The following SDHAF1 variants were observed in gnomAD, a reference collection of about 807,000 sequenced individuals.
SDHAF1 encodes succinate dehydrogenase assembly factor 1, mitochondrial.
For missense variants in SDHAF1, 198 were observed against 179.0 expected, an observed-to-expected ratio of 1.11 and a Z score of -0.61; for synonymous variants, 81 against 85.8, an observed-to-expected ratio of 0.94 and a Z score of 0.31.
At position 35,995,622 on chromosome 19, in the gene SDHAF1, AC is replaced by A. The variant is rs754248482; in HGVS notation, c.*1del. The A allele has an allele frequency of 1.3e-5, 20 of 1,547,412 alleles. No homozygotes were observed. The East Asian group carries it at 4.4e-4, about 34-fold the overall frequency. On this transcript the variant is annotated 3_prime_UTR_variant, in exon 1 of 1. Transcript: ENST00000378887. ...CGGAGACCCGCCCCGACGGACGGTG[AC>A]AGGCGAAGAGCCGAACTCGCTCGAT...
chr19:35,995,419 C>A lies in SDHAF1; in HGVS notation c.145C>A (p.Arg49Ser). 6.4e-7 allele frequency: 1 copy of A among 1,569,942 alleles called. No individual in the cohort carries two copies. Among genetic ancestry groups the A allele is most frequent in the Non-Finnish European group, 8.6e-7 (1 of 1,165,918 alleles). Residue 49 changes from arginine to serine, a missense_variant, in exon 1 of 1, where the codon CGC becomes AGC. By Grantham distance (110) the Arg-to-Ser change is moderately radical (BLOSUM62 -1). Coordinates refer to ENST00000378887, the MANE Select transcript of SDHAF1 (RefSeq NM_001042631.3). ...GGGCCTGCCGCGGTCCGACGTGCTG[C>A]GCATCGAGTACCTGTACCGCCGCGG... ...HAGLPRSDVL[R>S]IEYLYRRGRR...
chr19:35,995,581 G>T lies in SDHAF1; in HGVS notation c.307G>T (p.Asp103Tyr), dbSNP rs1168763678. ...CGGCGACAGTCCAAGGAACCCCCAC[G>T]ACAGCACGGGGGCACCGGAGACCCG... Reference protein sequence around the residue: ...DDGDSPRNPHDSTGAPETRPD... With the variant: ...DDGDSPRNPHYSTGAPETRPD... Residue 103 changes from aspartate (D) to tyrosine (Y), a missense_variant, in exon 1 of 1, where the codon GAC becomes TAC. Physicochemically the swap from Asp to Tyr is radical, Grantham distance 160 (BLOSUM62 -3). Coordinates refer to ENST00000378887, the MANE Select transcript of SDHAF1 (RefSeq NM_001042631.3). 6.5e-7 allele frequency: 1 copy of T among 1,545,456 alleles called. No homozygotes were observed. Among genetic ancestry groups the T allele is most frequent in the African/African-American group, 1.4e-5 (1 of 73,090 alleles).
In SDHAF1 at chr19:35,995,967, T is replaced by C; in HGVS notation, c.*345T>C. 2.8e-6 allele frequency: 1 copy of C among 358,222 alleles called. No homozygotes were observed. Among genetic ancestry groups the C allele is most frequent in the Non-Finnish European group, 5.4e-6 (1 of 185,998 alleles). 22.2% of individuals were successfully genotyped at this position (358,222 alleles called of 1,614,324 possible). On this transcript the variant is annotated 3_prime_UTR_variant, in exon 1 of 1. Transcript: ENST00000378887. ...CGACCCCCGGTGGACAGGGAGAGCC[T>C]GAGACGCCCTTCTCTTGACCCCTGA...
rs1393049009 is a variant in SDHAF1, at chr19:35,995,312, G to C, written c.38G>C (p.Ser13Thr). 2.6e-6 allele frequency: 4 copies of C among 1,547,012 alleles called. No homozygotes were observed. The East Asian group carries it at 9.5e-5, about 37-fold the overall frequency. Residue 13 changes from serine (S) to threonine (T), a missense_variant, in exon 1 of 1, where the codon AGC (serine) becomes ACC (threonine). Transcript: ENST00000378887. ...AGCCGGCTGCAGAGGCAGGTTCTGAGCCTGTACCGCGATCTGCTGCGCGCC... is the reference window on the plus strand; with the variant it reads ...AGCCGGCTGCAGAGGCAGGTTCTGACCCTGTACCGCGATCTGCTGCGCGCC... The part of the protein sequence containing the change: ...RHSRLQRQVL[S>T]LYRDLLRAGR...
Position 35,995,939 on chromosome 19 carries a change from GGAC to G in SDHAF1, c.*321_*323del, listed in dbSNP as rs1240741892. The stretch of plus-strand genomic sequence containing the variant: ...ACTTGCCCGAAGGTACGGGGAGCCA[GGAC>G]GACCCCCGGTGGACAGGGAGAGCCT... On this transcript the variant is annotated 3_prime_UTR_variant, in exon 1 of 1. Coordinates refer to ENST00000378887, the MANE Select transcript of SDHAF1 (RefSeq NM_001042631.3). 2.4e-6 allele frequency: 1 copy of G among 419,896 alleles called. No individual in the cohort carries two copies. Among genetic ancestry groups the G allele is most frequent in the Admixed American group, 4.4e-5 (1 of 22,542 alleles). The allele number at this position is 419,896 out of a possible 1,614,324, so 26.0% of individuals were successfully genotyped here.
In SDHAF1 at chr19:35,995,550, TGAC is replaced by T. The variant is rs1173525097; in HGVS notation, c.281_283del (p.Asp94del). ...AGCCTGGCGGCGTGGGTTGCCAGCC[TGAC>T]GACGGCGACAGTCCAAGGAACCCCC... On this transcript the variant is annotated inframe_deletion, in exon 1 of 1. Transcript: ENST00000378887. 16 of 1,536,064 alleles carry T rather than the reference TGAC, an allele frequency of 1.0e-5. No homozygotes were observed. In the Admixed American group the frequency reaches 1.8e-4, roughly 17 times the overall value.
chr19:35,995,453 A>C lies in SDHAF1; in HGVS notation c.179A>C (p.Gln60Pro). Residue 60 changes from glutamine (Q) to proline (P), a missense_variant, in exon 1 of 1, where the codon CAG becomes CCG. Gln to Pro is a moderately conservative substitution (Grantham distance 76, BLOSUM62 -1). Coordinates refer to ENST00000378887, the MANE Select transcript of SDHAF1 (RefSeq NM_001042631.3). ...IEYLYRRGRRQLQLLRSGHAT... is the reference protein window; with the variant it reads ...IEYLYRRGRRPLQLLRSGHAT... The stretch of plus-strand genomic sequence containing the variant: ...TACCTGTACCGCCGCGGGCGGCGCC[A>C]GCTGCAGCTGCTACGCTCGGGCCAC... 6.4e-7 allele frequency: 1 copy of C among 1,564,834 alleles called. No individual in the cohort carries two copies. Among genetic ancestry groups the C allele is most frequent in the South Asian group, 1.1e-5 (1 of 87,720 alleles).
In SDHAF1 at chr19:35,995,256, T is replaced by C. The variant is rs1201436259; in HGVS notation, c.-19T>C. The C allele has an allele frequency of 2.6e-6, 4 of 1,517,550 alleles. No individual in the cohort carries two copies. In the East Asian group the frequency reaches 9.9e-5, roughly 37 times the overall value. The allele number at this position is 1,517,550 out of a possible 1,614,324, so 94.0% of individuals were successfully genotyped here. A position where few individuals can be genotyped will look rare whatever the true frequency, so the allele number is the denominator to read the frequency against. On this transcript the variant is annotated 5_prime_UTR_variant, in exon 1 of 1. Coordinates refer to ENST00000378887, the MANE Select transcript of SDHAF1 (RefSeq NM_001042631.3). ...CGGTTCGCAGGTCGTTCGCTGAGCG[T>C]CTCTGCTTAGCCGCGGTCATGAGCC...
Position 35,995,282 on chromosome 19 carries a change from G to A in SDHAF1, c.8G>A (p.Arg3Gln). ...CTCTGCTTAGCCGCGGTCATGAGCC[G>A]GCACAGCCGGCTGCAGAGGCAGGTT... MS[R>Q]HSRLQRQVLS... Residue 3 changes from arginine (R) to glutamine (Q), a missense_variant, in exon 1 of 1, where the codon CGG (arginine) becomes CAG (glutamine). Arg to Gln is a conservative substitution (Grantham distance 43). Coordinates refer to ENST00000378887, the MANE Select transcript of SDHAF1 (RefSeq NM_001042631.3). 3 of 1,537,996 alleles carry A rather than the reference G, an allele frequency of 2.0e-6. No individual in the cohort carries two copies. Among genetic ancestry groups the A allele is most frequent in the African/African-American group, 2.7e-5 (2 of 73,192 alleles).
Position 35,995,944 on chromosome 19 carries a change from A to C in SDHAF1, c.*322A>C, listed in dbSNP as rs2145332918. On this transcript the variant is annotated 3_prime_UTR_variant, in exon 1 of 1. Coordinates refer to ENST00000378887, the MANE Select transcript of SDHAF1 (RefSeq NM_001042631.3). ...CCCGAAGGTACGGGGAGCCAGGACG[A>C]CCCCCGGTGGACAGGGAGAGCCTGA... 5 of 390,534 alleles carry C rather than the reference A, an allele frequency of 1.3e-5. No individual in the cohort carries two copies. The highest frequency in any genetic ancestry group is 7.6e-4 in the Middle Eastern group (1 of 1,320). 24.2% of individuals were successfully genotyped at this position (390,534 alleles called of 1,614,324 possible). A position where few individuals can be genotyped will look rare whatever the true frequency, so the allele number is the denominator to read the frequency against.
chr19:35,995,674 C>T lies in SDHAF1; in HGVS notation c.*52C>T. ...GGCGTGGTGGAGCCAGGAGGCTCGC[C>T]TGACTGCATGGGGGGACTGGGGAAC... On this transcript the variant is annotated 3_prime_UTR_variant, in exon 1 of 1. Coordinates refer to ENST00000378887, the MANE Select transcript of SDHAF1 (RefSeq NM_001042631.3). 1 of 1,396,400 alleles carries T rather than the reference C, an allele frequency of 7.2e-7. No individual in the cohort carries two copies. The highest frequency in any genetic ancestry group is 9.9e-7 in the Non-Finnish European group (1 of 1,007,486). 86.5% of individuals were successfully genotyped at this position (1,396,400 alleles called of 1,614,324 possible). A position where few individuals can be genotyped will look rare whatever the true frequency, so the allele number is the denominator to read the frequency against.
rs781733336 is a variant in SDHAF1, at chr19:35,995,405, G to T, written c.131G>T (p.Arg44Leu). 5 of 1,565,152 alleles carry T rather than the reference G, an allele frequency of 3.2e-6. No individual in the cohort carries two copies. Among genetic ancestry groups the T allele is most frequent in the Non-Finnish European group, 8.6e-7 (1 of 1,163,536 alleles). The change falls in exon 1 of 1, where the codon CGG becomes CTG. Residue 44 changes from arginine to leucine, a missense_variant. By Grantham distance (102) the Arg-to-Leu change is moderately radical (BLOSUM62 -2). Coordinates refer to ENST00000378887, the MANE Select transcript of SDHAF1 (RefSeq NM_001042631.3). ...TTCCGGCAGCATGCGGGCCTGCCGC[G>T]GTCCGACGTGCTGCGCATCGAGTAC... ...AEFRQHAGLPRSDVLRIEYLY... is the reference protein window; with the variant it reads ...AEFRQHAGLPLSDVLRIEYLY...
Position 35,995,369 on chromosome 19 carries a change from T to A in SDHAF1, c.95T>A (p.Val32Glu). The change falls in exon 1 of 1, where the codon GTG becomes GAG. Residue 32 changes from valine to glutamate, a missense_variant. Physicochemically the swap from Val to Glu is moderately radical, Grantham distance 121 (BLOSUM62 -2). Coordinates refer to ENST00000378887, the MANE Select transcript of SDHAF1 (RefSeq NM_001042631.3). ...GRGKPGAEARVRAEFRQHAGL... is the reference protein window; with the variant it reads ...GRGKPGAEARERAEFRQHAGL... The stretch of plus-strand genomic sequence containing the variant: ...GGGAAGCCGGGCGCCGAGGCGCGAG[T>A]GCGGGCAGAGTTCCGGCAGCATGCG... 6.4e-7 allele frequency: 1 copy of A among 1,555,130 alleles called. No individual in the cohort carries two copies. The highest frequency in any genetic ancestry group is 8.6e-7 in the Non-Finnish European group (1 of 1,157,966).
chr19:35,995,981 C>T lies in SDHAF1; in HGVS notation c.*359C>T, dbSNP rs982403749. 3.0e-6 allele frequency: 1 copy of T among 336,132 alleles called. No homozygotes were observed. Among genetic ancestry groups the T allele is most frequent in the Non-Finnish European group, 5.8e-6 (1 of 172,310 alleles). 20.8% of individuals were successfully genotyped at this position (336,132 alleles called of 1,614,324 possible). The stretch of plus-strand genomic sequence containing the variant: ...CAGGGAGAGCCTGAGACGCCCTTCT[C>T]TTGACCCCTGAGAACATACCCACTT... On this transcript the variant is annotated 3_prime_UTR_variant, in exon 1 of 1. Coordinates refer to ENST00000378887, the MANE Select transcript of SDHAF1 (RefSeq NM_001042631.3).
At position 35,995,504 on chromosome 19, in the gene SDHAF1, G is replaced by C. The variant is rs1215854432; in HGVS notation, c.230G>C (p.Arg77Pro). ...GCCACCGCCATGGGCGCCTTCGTAC[G>C]CCCGCGGGCCCCGACCGGGGAGCCT... ...GHATAMGAFV[R>P]PRAPTGEPGG... The change falls in exon 1 of 1, where the codon CGC becomes CCC. Residue 77 changes from arginine (R) to proline (P), a missense_variant. Physicochemically the swap from Arg to Pro is moderately radical, Grantham distance 103 (BLOSUM62 -2). Transcript: ENST00000378887. The C allele has an allele frequency of 6.5e-7, 1 of 1,536,600 alleles. No individual in the cohort carries two copies. The highest frequency in any genetic ancestry group is 8.7e-7 in the Non-Finnish European group (1 of 1,148,032).
chr19:35,995,407 T>A lies in SDHAF1; in HGVS notation c.133T>A (p.Ser45Thr), dbSNP rs1418605973. The A allele has an allele frequency of 1.9e-6, 3 of 1,565,806 alleles. No homozygotes were observed. Among genetic ancestry groups the A allele is most frequent in the African/African-American group, 2.7e-5 (2 of 73,452 alleles). ...EFRQHAGLPRSDVLRIEYLYR... is the reference protein window; with the variant it reads ...EFRQHAGLPRTDVLRIEYLYR... ...CCGGCAGCATGCGGGCCTGCCGCGGTCCGACGTGCTGCGCATCGAGTACCT... is the reference window on the plus strand; with the variant it reads ...CCGGCAGCATGCGGGCCTGCCGCGGACCGACGTGCTGCGCATCGAGTACCT... Residue 45 changes from serine to threonine, a missense_variant, in exon 1 of 1, where the codon TCC becomes ACC. By Grantham distance (58) the Ser-to-Thr change is moderately conservative. Transcript: ENST00000378887.
rs559708502 is a variant in SDHAF1, at chr19:35,995,709, G to A, written c.*87G>A. The A allele has an allele frequency of 3.8e-6, 4 of 1,043,566 alleles. No individual in the cohort carries two copies. The highest frequency in any genetic ancestry group is 4.1e-5 in the Admixed American group (2 of 49,224). 64.6% of individuals were successfully genotyped at this position (1,043,566 alleles called of 1,614,324 possible). A position where few individuals can be genotyped will look rare whatever the true frequency, so the allele number is the denominator to read the frequency against. ...GGGGGGACTGGGGAACCCGCCTAAG[G>A]TGAGAGGTCTTAAGAGACTAGCTTG... On this transcript the variant is annotated 3_prime_UTR_variant, in exon 1 of 1. Coordinates refer to ENST00000378887, the MANE Select transcript of SDHAF1 (RefSeq NM_001042631.3).
In SDHAF1 at chr19:35,995,441, G is replaced by C. The variant is rs767230711; in HGVS notation, c.167G>C (p.Arg56Pro). The C allele has an allele frequency of 3.8e-6, 6 of 1,567,584 alleles. No individual in the cohort carries two copies. The highest frequency in any genetic ancestry group is 5.2e-6 in the Non-Finnish European group (6 of 1,164,652). The change falls in exon 1 of 1, where the codon CGC becomes CCC. Residue 56 changes from arginine to proline, a missense_variant. Transcript: ENST00000378887. Reference sequence around the variant, plus strand: ...CTGCGCATCGAGTACCTGTACCGCCGCGGGCGGCGCCAGCTGCAGCTGCTA... The same window carrying C: ...CTGCGCATCGAGTACCTGTACCGCCCCGGGCGGCGCCAGCTGCAGCTGCTA... ...DVLRIEYLYRRGRRQLQLLRS... is the reference protein window; with the variant it reads ...DVLRIEYLYRPGRRQLQLLRS...
At position 35,995,340 on chromosome 19, in the gene SDHAF1, G is replaced by A. The variant is rs775646133; in HGVS notation, c.66G>A (p.Gly22=). The A allele has an allele frequency of 3.9e-5, 61 of 1,549,844 alleles. No homozygotes were observed. Among genetic ancestry groups the A allele is most frequent in the Non-Finnish European group, 5.2e-5 (60 of 1,155,002 alleles). ...LSLYRDLLRA[G]RGKPGAEARV... ...TGTACCGCGATCTGCTGCGCGCCGG[G>A]CGTGGGAAGCCGGGCGCCGAGGCGC... Residue 22 remains glycine, a synonymous_variant, in exon 1 of 1, where the codon GGG becomes GGA. Transcript: ENST00000378887.
Sources: allele counts gnomAD v4.1 joint callset, GRCh38; gene constraint gnomAD v4.1.1; transcripts MANE v1.5; gene names NCBI Gene and HGNC (gene_info 2026-07-23, HGNC 2026-07-21).